Variants in KIFAP3 observed in about 807,000 individuals in gnomAD.
KIFAP3 encodes kinesin associated protein 3.
A neutral mutation model predicts 106.5 loss-of-function variants in KIFAP3; 68 were observed. That is an observed-to-expected ratio of 0.64 (90% CI 0.53 to 0.78). KIFAP3 has a LOEUF of 0.78. KIFAP3 is among the 30% of genes least tolerant of loss of function. The pLI, the probability that KIFAP3 is intolerant of heterozygous loss-of-function variation, is 0.00. For synonymous variants in KIFAP3, 320 were observed against 311.5 expected (o/e 1.03, Z -0.29); for missense variants, 780 against 941.8 (o/e 0.83, Z 2.25).
intron 10 of KIFAP3, among the ~76,000 whole-genome samples, chr1:169,995,597 ATTC>A (rs1320484724): frequency 6.6e-6 from 1 of 152,118 alleles, no homozygotes; most frequent in African/African-American, 2.4e-5. Flanking sequence ...AATATAAAAG[ATTC>A]TTCAACAACA....
At chr1:170,064,452 C>G (rs575744286) in intron 1 of KIFAP3, among the ~76,000 whole-genome samples, 19 of 152,302 alleles carry the variant, frequency 1.2e-4, no homozygotes, top group Admixed American at 5.2e-4. Context: ...CTCCCAGGCT[C>G]AGGCAATCCT....
Position 170,046,752 on chromosome 1 carries a change from C to T in KIFAP3, c.279G>A (p.Leu93=). The change falls in exon 3 of 20, where the codon TTG becomes TTA. Residue 93 remains leucine, a synonymous_variant. Coordinates refer to ENST00000361580, the MANE Select transcript of KIFAP3 (RefSeq NM_014970.4). ...PSKLNEVEQL[L]YYLQNRRDSL... ...AATCACGGCGGTTCTGTAGATAGTA[C>T]AACAGCTGTTCTACCTCATTTAGTT... 4 of 1,604,510 alleles carry T rather than the reference C, an allele frequency of 2.5e-6. No individual in the cohort carries two copies. The highest frequency in any genetic ancestry group is 2.6e-6 in the Non-Finnish European group (3 of 1,175,158).
rs886866614 is a variant in KIFAP3 at position 170,066,184 on chromosome 1, C to A, written c.32+8252G>T. Among the ~76,000 whole-genome samples, 7 of 150,158 alleles carry A rather than the reference C, an allele frequency of 4.7e-5. 1 individual carries two copies. Among genetic ancestry groups the A allele is most frequent in the Admixed American group, 1.3e-4 (2 of 15,090 alleles). ...CAGGTCTATTGCCTACACCCCCCCC[C>A]CCATTCTTTATGTTATAGCTGTCAT... is the stretch of plus-strand genomic sequence containing the variant. On this transcript the variant is annotated intron_variant, in intron 1 of 19. Coordinates refer to ENST00000361580, the MANE Select transcript of KIFAP3 (RefSeq NM_014970.4).
chr1:169,942,910 G>GTCC (rs1553273137), intron 19 of KIFAP3, among the ~76,000 whole-genome samples: 1 of 105,808 alleles, frequency 9.5e-6, no homozygotes, highest in Non-Finnish European at 1.9e-5. Flanking sequence ...TTTTAAAGAC[G>GTCC]CCCCCCCCCA....
chr1:169,987,245 T>A (rs1666874197), intron 11 of KIFAP3, among the ~76,000 whole-genome samples: 1 of 152,084 alleles, frequency 6.6e-6, no homozygotes, highest in Non-Finnish European at 1.5e-5. Context: ...TCCATTGTCA[T>A]CTTTTACTAA....
intron 1 of KIFAP3, among the ~76,000 whole-genome samples, chr1:170,060,379 A>G (rs1671078222): frequency 6.6e-6 from 1 of 152,224 alleles, no homozygotes; most frequent in Admixed American, 6.5e-5. Context: ...AGACAAACAG[A>G]GAGCCAAATC....
intron 19 of KIFAP3, among the ~76,000 whole-genome samples, chr1:169,953,750 G>A (rs1476845453): frequency 6.6e-6 from 1 of 152,310 alleles, no homozygotes; most frequent in African/African-American, 2.4e-5. Flanking sequence ...TCCTGACCTC[G>A]TGATCTGCCT....
At chr1:170,063,413 T>C (rs751225710) in intron 1 of KIFAP3, among the ~76,000 whole-genome samples, 10 of 152,182 alleles carry the variant, frequency 6.6e-5, no homozygotes, top group Non-Finnish European at 1.0e-4. Flanking sequence ...CACAAGAAGA[T>C]AGCTAAACCT....
At position 170,054,393 on chromosome 1, in the gene KIFAP3, C is replaced by T. The variant is rs574241501; in HGVS notation, c.164+912G>A. On this transcript the variant is annotated intron_variant, in intron 2 of 19. Coordinates refer to ENST00000361580, the MANE Select transcript of KIFAP3 (RefSeq NM_014970.4). ...GAATTGGTTTAACTATTGTGGAAGA[C>T]GGTGTGGCGATTCCTCAAGGATCTA... 2.1e-3 allele frequency among the ~76,000 whole-genome samples: 324 copies of T among 152,226 alleles called. 2 individuals carry two copies. Among genetic ancestry groups the T allele is most frequent in the African/African-American group, 7.1e-3 (297 of 41,556 alleles).
chr1:169,941,421 T>A (rs1664105951), intron 19 of KIFAP3, among the ~76,000 whole-genome samples: 1 of 152,184 alleles, frequency 6.6e-6, no homozygotes, highest in Non-Finnish European at 1.5e-5. Context: ...GAGTTCTCAA[T>A]ACACTTTTGG....
At chr1:170,000,089 A>G (rs1257505139) in intron 10 of KIFAP3, among the ~76,000 whole-genome samples, 1 of 152,008 alleles carries the variant, frequency 6.6e-6, no homozygotes, top group South Asian at 2.1e-4. Context: ...ACACCATTCA[A>G]TTACTAATTT....
intron 10 of KIFAP3, among the ~76,000 whole-genome samples, chr1:170,015,672 G>T (rs1668470480): frequency 6.6e-6 from 1 of 152,264 alleles, no homozygotes; most frequent in South Asian, 2.1e-4. Flanking sequence ...AGGCATAAAA[G>T]AGCTTATTTA....
At chr1:170,025,662 C>G (rs996742611) in intron 8 of KIFAP3, among the ~76,000 whole-genome samples, 6 of 151,816 alleles carry the variant, frequency 4.0e-5, no homozygotes, top group African/African-American at 1.5e-4. Flanking sequence ...GATTGGAAAC[C>G]CCTGATTCAA....
chr1:169,986,898 A>G (rs1259972412), intron 11 of KIFAP3, among the ~76,000 whole-genome samples: 1 of 152,070 alleles, frequency 6.6e-6, no homozygotes, highest in African/African-American at 2.4e-5. Context: ...AGTAATTTCC[A>G]TATTAAATTC....
At chr1:170,040,941 T>G (rs1034773560) in intron 3 of KIFAP3, among the ~76,000 whole-genome samples, 1 of 151,898 alleles carries the variant, frequency 6.6e-6, no homozygotes, top group African/African-American at 2.4e-5. Context: ...TTCTCCTGCC[T>G]CAGCCTCCTG....
chr1:169,965,276 T>C (rs1665547456), intron 17 of KIFAP3, among the ~76,000 whole-genome samples: 1 of 152,182 alleles, frequency 6.6e-6, no homozygotes, highest in South Asian at 2.1e-4. Context: ...AATTTAAATC[T>C]GATTGAATTA....
chr1:170,028,213 A>T (rs1366873340), intron 8 of KIFAP3, among the ~76,000 whole-genome samples: 1 of 152,176 alleles, frequency 6.6e-6, no homozygotes, highest in Admixed American at 6.5e-5. Flanking sequence ...TACACAAAGG[A>T]ATAATATCAA....
At chr1:170,053,525 C>G (rs992950393) in intron 2 of KIFAP3, among the ~76,000 whole-genome samples, 1 of 151,820 alleles carries the variant, frequency 6.6e-6, no homozygotes, top group South Asian at 2.1e-4. Context: ...ATAGCCAAGA[C>G]AGTTCTAAGC....
intron 10 of KIFAP3, among the ~76,000 whole-genome samples, chr1:170,009,413 T>TATC (rs1316727245): frequency 6.6e-6 from 1 of 150,840 alleles, no homozygotes; most frequent in Non-Finnish European, 1.5e-5. Context: ...ATGCCACTTT[T>TATC]ATTATTATTA....
Sources: allele counts gnomAD v4.1 joint callset (sites outside exome capture counted in the v4.1 genomes callset), GRCh38; gene constraint gnomAD v4.1.1; transcripts MANE v1.5; gene names NCBI Gene and HGNC (gene_info 2026-07-23, HGNC 2026-07-21).